The following LRCH3 variants were observed in gnomAD, a reference collection of about 807,000 sequenced individuals.
LRCH3 encodes the protein DISP complex protein LRCH3.
A neutral mutation model predicts 104.5 loss-of-function variants in LRCH3; 68 were observed. The ratio of observed to expected loss-of-function variants is 0.65; its 90% CI spans 0.54 to 0.80. LRCH3 has a LOEUF of 0.80. LRCH3 is among the 30% of genes least tolerant of loss of function. The probability of loss-of-function intolerance (pLI) is 0.00; values close to 1 mark genes in which losing one functional copy is unlikely to be tolerated. For synonymous variants in LRCH3, 344 were observed against 361.3 expected, an observed-to-expected ratio of 0.95 and a Z score of 0.54; for missense variants, 951 against 953.9, an observed-to-expected ratio of 1.00 and a Z score of 0.04.
At position 197,884,613 on chromosome 3, in the gene LRCH3, A is replaced by G. The variant is rs1714057962; in HGVS notation, c.*947A>G. On this transcript the variant is annotated 3_prime_UTR_variant, in exon 21 of 21. Transcript: ENST00000425562. The stretch of plus-strand genomic sequence containing the variant: ...GCCCGGCCCATTGCACGTGTTTTTC[A>G]TGTAGTGGAACCACTGTTCAAAGCT... The G allele has an allele frequency of 6.6e-6, 1 of 151,824 alleles. No individual in the cohort carries two copies. The highest frequency in any genetic ancestry group is 6.6e-5 in the Admixed American group (1 of 15,232). 9.4% of individuals were successfully genotyped at this position (151,824 alleles called of 1,614,324 possible).
chr3:197,873,717 C>T (rs1712517423), intron 19 of LRCH3, among the ~76,000 whole-genome samples: 2 of 151,924 alleles, frequency 1.3e-5, no homozygotes, highest in Non-Finnish European at 2.9e-5. Flanking sequence ...AGAGCGAGAC[C>T]CTGACCCTAA....
At chr3:197,851,726 CT>C (rs1446606533) in intron 12 of LRCH3, among the ~76,000 whole-genome samples, 2 of 152,078 alleles carry the variant, frequency 1.3e-5, no homozygotes, top group Non-Finnish European at 2.9e-5. Context: ...GCTATATCCC[CT>C]ATTACTATAA....
intron 11 of LRCH3, 95 bp from the exon 12 acceptor site, chr3:197,847,777 G>T (rs1738968449): frequency 1.7e-6 from 2 of 1,157,250 alleles, no homozygotes; most frequent in East Asian, 5.8e-5. Flanking sequence ...AGCAAAAGTT[G>T]CATGGGTCAA....
chr3:197,846,787 CTT>C, intron 10 of LRCH3, among the ~76,000 whole-genome samples: 2 of 152,168 alleles, frequency 1.3e-5, no homozygotes, highest in East Asian at 3.9e-4. Flanking sequence ...GTTACAGAGA[CTT>C]GAGCAATGAA....
intron 17 of LRCH3, among the ~76,000 whole-genome samples, chr3:197,869,693 T>C (rs1326263163): frequency 1.6e-5 from 2 of 123,684 alleles, no homozygotes; most frequent in Non-Finnish European, 3.2e-5. Context: ...CTGCAGGAGG[T>C]AGAAAGCGAT....
chr3:197,815,769 A>G (rs997432056), intron 2 of LRCH3, among the ~76,000 whole-genome samples: 21 of 152,218 alleles, frequency 1.4e-4, no homozygotes, highest in Non-Finnish European at 1.8e-4. Flanking sequence ...ACATCTTAAA[A>G]TAACTCTTGT....
intron 3 of LRCH3, 89 bp from the exon 4 acceptor site, chr3:197,820,236 C>A (rs1734330512): frequency 2.2e-6 from 2 of 900,330 alleles, no homozygotes; most frequent in South Asian, 1.4e-5. Context: ...ACCAGAAGGT[C>A]TCCCAAACAT....
Position 197,833,365 on chromosome 3 carries a change from G to GAAAAAAAAAAAAAA in LRCH3, c.1102+1061_1102+1074dup, listed in dbSNP as rs71166710. Reference sequence around the variant, plus strand: ...TGAAACCCCATCTCTACTAAAAACCGAAAAAAAAAAAAAAAAAAAAAAAAA... The same window carrying GAAAAAAAAAAAAAA: ...TGAAACCCCATCTCTACTAAAAACCGAAAAAAAAAAAAAAAAAAAAAAAAAAAAAAAAAAAAAAA... On this transcript the variant is annotated intron_variant, in intron 8 of 20. Coordinates refer to ENST00000425562, the MANE Select transcript of LRCH3 (RefSeq NM_001365715.1). Among the ~76,000 whole-genome samples, 3 of 33,338 alleles carry GAAAAAAAAAAAAAA rather than the reference G, an allele frequency of 9.0e-5. 1 individual carries two copies. Among genetic ancestry groups the GAAAAAAAAAAAAAA allele is most frequent in the Non-Finnish European group, 1.4e-4 (3 of 20,720 alleles). The allele number at this position is 33,338 out of a possible 152,430, so 21.9% of individuals were successfully genotyped here. A position where few individuals can be genotyped will look rare whatever the true frequency, so the allele number is the denominator to read the frequency against.
At position 197,835,668 on chromosome 3, in the gene LRCH3, A is replaced by G. The variant is rs750903197; in HGVS notation, c.1103-6A>G. The G allele has an allele frequency of 3.1e-6, 5 of 1,610,832 alleles. No homozygotes were observed. Among genetic ancestry groups the G allele is most frequent in the East Asian group, 2.2e-5 (1 of 44,808 alleles). On this transcript the variant is annotated splice_region_variant and splice_polypyrimidine_tract_variant and intron_variant, in intron 8 of 20. Transcript: ENST00000425562. ...GTGTGTGTGGGTGTGTGTGTGGTGT[A>G]TACAGTGGAACATGATCTGGATCAG... is the stretch of plus-strand genomic sequence containing the variant.
At chr3:197,805,038 G>A (rs1367065727) in intron 1 of LRCH3, among the ~76,000 whole-genome samples, 1 of 152,050 alleles carries the variant, frequency 6.6e-6, no homozygotes, top group African/African-American at 2.4e-5. Context: ...GAGATTACAG[G>A]TGCGTGCCAC....
At chr3:197,795,745 T>C (rs1052560694) in intron 1 of LRCH3, among the ~76,000 whole-genome samples, 10 of 130,462 alleles carry the variant, frequency 7.7e-5, no homozygotes, top group African/African-American at 3.0e-4. Flanking sequence ...CAGGCTGGAG[T>C]GCAGTGGCAT....
At chr3:197,848,204 A>T in intron 12 of LRCH3, 183 bp downstream of exon 12, 1 of 576,186 alleles carries the variant, frequency 1.7e-6, no homozygotes. Context: ...ACAAGTGATT[A>T]TCTTGTTAAC....
At chr3:197,861,212 T>C (rs549936653) in intron 15 of LRCH3, among the ~76,000 whole-genome samples, 2 of 152,326 alleles carry the variant, frequency 1.3e-5, no homozygotes, top group Admixed American at 1.3e-4. Context: ...CCTACATACC[T>C]GGATGCCTCC....
chr3:197,819,369 A>T (rs660822), intron 3 of LRCH3, among the ~76,000 whole-genome samples: 115,576 of 151,024 alleles, frequency 0.77, 46,096 homozygotes, highest in East Asian at 0.99. Context: ...TTGAACCTAT[A>T]TCCTTTCAAC....
intron 1 of LRCH3, among the ~76,000 whole-genome samples, chr3:197,805,051 C>T (rs1732318573): frequency 6.6e-6 from 1 of 152,172 alleles, no homozygotes; most frequent in South Asian, 2.1e-4. Flanking sequence ...CGTGCCACCA[C>T]ACCTGGCTAA....
At chr3:197,820,464 AT>A in intron 4 of LRCH3, 34 bp downstream of exon 4, 1 of 1,339,244 alleles carries the variant, frequency 7.5e-7, no homozygotes, top group Non-Finnish European at 1.1e-6. Context: ...CCATGAAATA[AT>A]TGTTTTATTA....
chr3:197,791,524 G>A lies in LRCH3; in HGVS notation c.246G>A (p.Thr82=). 1 of 1,592,458 alleles carries A rather than the reference G, an allele frequency of 6.3e-7. No homozygotes were observed. Among genetic ancestry groups the A allele is most frequent in the Non-Finnish European group, 8.5e-7 (1 of 1,172,138 alleles). ...FPRGAANHDL[T]DTTRADLSRN... is the part of the protein sequence containing the mutation. ...GGGGAGCGGCCAACCACGACCTGACGGACACCACCCGGGCGGGTGAGCGGG... is the reference window on the plus strand; with the variant it reads ...GGGGAGCGGCCAACCACGACCTGACAGACACCACCCGGGCGGGTGAGCGGG... Residue 82 remains threonine (T), a synonymous_variant, in exon 1 of 21, where the codon ACG becomes ACA. Transcript: ENST00000425562.
At chr3:197,880,038 C>G (rs551890618) in intron 20 of LRCH3, among the ~76,000 whole-genome samples, 1 of 150,834 alleles carries the variant, frequency 6.6e-6, no homozygotes, top group Admixed American at 6.6e-5. Context: ...CTCCGCCTCC[C>G]GGGTTCCCGC....
chr3:197,812,103 A>G (rs983659149), intron 1 of LRCH3, among the ~76,000 whole-genome samples: 5 of 152,192 alleles, frequency 3.3e-5, no homozygotes, highest in Admixed American at 1.3e-4. Flanking sequence ...TTGTGCAGCT[A>G]TCACCAACTA....
Sources: allele counts gnomAD v4.1 joint callset (sites outside exome capture counted in the v4.1 genomes callset), GRCh38; gene constraint gnomAD v4.1.1; transcripts MANE v1.5; gene names NCBI Gene and HGNC (gene_info 2026-07-23, HGNC 2026-07-21).